The following ZDHHC14 variants were observed in gnomAD, a reference collection of about 807,000 sequenced individuals.
ZDHHC14 encodes the protein zDHHC palmitoyltransferase 14, also known as palmitoyltransferase ZDHHC14.
In ZDHHC14, 16 loss-of-function variants were observed where a neutral mutation model predicts 47.7. The observed-to-expected ratio is 0.34, with a 90% CI of 0.23 to 0.51. ZDHHC14 has a LOEUF of 0.51. Among genes scored for constraint, ZDHHC14 ranks in the 20% least tolerant of loss-of-function variants. The pLI, the probability that ZDHHC14 is intolerant of heterozygous loss-of-function variation, is 0.97. For synonymous variants in ZDHHC14, 293 were observed against 278.9 expected (o/e 1.05, Z -0.50); for missense variants, 515 against 662.5 (o/e 0.78, Z 2.44).
chr6:157,433,289 C>A (rs1169388469), intron 1 of ZDHHC14, among the ~76,000 whole-genome samples: 1 of 152,170 alleles, frequency 6.6e-6, no homozygotes, highest in Non-Finnish European at 1.5e-5. Context: ...CACATGATTG[C>A]AAGCTAAATA....
chr6:157,430,102 G>C (rs1778307127), intron 1 of ZDHHC14, among the ~76,000 whole-genome samples: 2 of 152,020 alleles, frequency 1.3e-5, no homozygotes, highest in South Asian at 4.2e-4. Context: ...AGATCACGAG[G>C]TCAAGAGATT....
At chr6:157,436,879 G>A (rs1778450022) in intron 1 of ZDHHC14, among the ~76,000 whole-genome samples, 1 of 152,134 alleles carries the variant, frequency 6.6e-6, no homozygotes, top group East Asian at 1.9e-4. Flanking sequence ...CAGTCATCAG[G>A]GAGATCATCT....
At position 157,392,453 on chromosome 6, in the gene ZDHHC14, TG is replaced by T. The variant is rs531088905; in HGVS notation, c.245+10193del. 4.5e-4 allele frequency among the ~76,000 whole-genome samples: 69 copies of T among 152,268 alleles called. No homozygotes were observed. The South Asian group carries it at 0.014, about 31-fold the overall frequency. On this transcript the variant is annotated intron_variant, in intron 1 of 8. Coordinates refer to ENST00000359775, the MANE Select transcript of ZDHHC14 (RefSeq NM_024630.3). ...AATGTGTATACAGCCCCCCGTGTGT[TG>T]GGGGGTTGTCTCTTAGACCGTATTC...
intron 1 of ZDHHC14, among the ~76,000 whole-genome samples, chr6:157,495,279 A>C (rs1780033540): frequency 6.6e-6 from 1 of 152,210 alleles, no homozygotes; most frequent in African/African-American, 2.4e-5. Context: ...AAAGCAGTCT[A>C]AAATGGGAGT....
chr6:157,456,178 T>C (rs1562432486), intron 1 of ZDHHC14, among the ~76,000 whole-genome samples: 1 of 152,226 alleles, frequency 6.6e-6, no homozygotes, highest in Non-Finnish European at 1.5e-5. Flanking sequence ...CCGAGGAGGC[T>C]GCCACGGCGC....
At chr6:157,585,430 ACC>A (rs1783657240) in intron 2 of ZDHHC14, among the ~76,000 whole-genome samples, 1 of 147,610 alleles carries the variant, frequency 6.8e-6, no homozygotes, top group Admixed American at 6.8e-5. Flanking sequence ...AAAAAAAAAA[ACC>A]CAAAACCAGA....
chr6:157,473,864 A>G (rs1779413700), intron 1 of ZDHHC14, among the ~76,000 whole-genome samples: 2 of 152,120 alleles, frequency 1.3e-5, no homozygotes, highest in Non-Finnish European at 1.5e-5. Flanking sequence ...CTTGTGTTCC[A>G]TCTCCAAGAT....
rs1171821046 is a variant in ZDHHC14 at position 157,540,888 on chromosome 6, A to ATGTGTGTGTG, written c.246-1683_246-1674dup. On this transcript the variant is annotated intron_variant, in intron 1 of 8. Transcript: ENST00000359775. ...AACATATATAGATATATATGTATGT[A>ATGTGTGTGTG]TGTGTGTGTGTGTGTGTGTGTGTAT... Among the ~76,000 whole-genome samples, 478 of 127,524 alleles carry ATGTGTGTGTG rather than the reference A, an allele frequency of 3.7e-3. 20 individuals are homozygous for ATGTGTGTGTG. The highest frequency in any genetic ancestry group is 0.017 in the African/African-American group (460 of 27,740). 83.7% of individuals were successfully genotyped at this position (127,524 alleles called of 152,430 possible).
chr6:157,634,923 C>G (rs1776896984), intron 5 of ZDHHC14, among the ~76,000 whole-genome samples: 1 of 152,238 alleles, frequency 6.6e-6, no homozygotes, highest in Non-Finnish European at 1.5e-5. Context: ...CCGTACGTGT[C>G]CCCTGGGAGC....
At chr6:157,466,280 T>A (rs2114820270) in intron 1 of ZDHHC14, among the ~76,000 whole-genome samples, 1 of 152,168 alleles carries the variant, frequency 6.6e-6, no homozygotes, top group East Asian at 1.9e-4. Context: ...GGGCCCCAAG[T>A]GCCATGCAGC....
chr6:157,398,826 A>G (rs1056905976), intron 1 of ZDHHC14, among the ~76,000 whole-genome samples: 2 of 152,250 alleles, frequency 1.3e-5, no homozygotes, highest in Admixed American at 6.5e-5. Flanking sequence ...ACGATGGCTT[A>G]TTGCATCTCC....
intron 1 of ZDHHC14, among the ~76,000 whole-genome samples, chr6:157,501,215 A>T (rs1780185299): frequency 1.3e-5 from 2 of 152,090 alleles, no homozygotes; most frequent in Admixed American, 1.3e-4. Context: ...TTGTTCTGTC[A>T]TTATTTTTTC....
intron 8 of ZDHHC14, among the ~76,000 whole-genome samples, chr6:157,656,113 A>C (rs951061571): frequency 7.2e-5 from 11 of 152,198 alleles, no homozygotes; most frequent in Non-Finnish European, 1.5e-4. Flanking sequence ...TCTGGAGTCC[A>C]TTCATTCTAC....
chr6:157,653,459 A>G (rs1777932943), intron 7 of ZDHHC14, 66 bp from the exon 8 acceptor site: 9 of 1,562,310 alleles, frequency 5.8e-6, no homozygotes, highest in Non-Finnish European at 7.0e-6. Context: ...GGAACCTGAG[A>G]TAGTGCTGCT....
intron 1 of ZDHHC14, among the ~76,000 whole-genome samples, chr6:157,522,595 T>A (rs1477650594): frequency 6.6e-6 from 1 of 152,060 alleles, no homozygotes; most frequent in Admixed American, 6.6e-5. Flanking sequence ...TGGTATGGGT[T>A]GGTCCCCAAA....
At chr6:157,466,059 A>G (rs1397349577) in intron 1 of ZDHHC14, among the ~76,000 whole-genome samples, 2 of 150,974 alleles carry the variant, frequency 1.3e-5, no homozygotes, top group Non-Finnish European at 3.0e-5. Context: ...AAAAAAAGAG[A>G]GAGAGAGATA....
intron 1 of ZDHHC14, among the ~76,000 whole-genome samples, chr6:157,529,729 A>G (rs1781296451): frequency 6.6e-6 from 1 of 152,242 alleles, no homozygotes; most frequent in Non-Finnish European, 1.5e-5. Context: ...TAAAAAGGTG[A>G]AAACAGGTAC....
intron 3 of ZDHHC14, among the ~76,000 whole-genome samples, chr6:157,626,335 T>A (rs1785414397): frequency 6.6e-6 from 1 of 152,174 alleles, no homozygotes; most frequent in South Asian, 2.1e-4. Context: ...AGTCATACAT[T>A]GAGAAGAAAA....
chr6:157,625,266 C>T (rs578111570), intron 3 of ZDHHC14, among the ~76,000 whole-genome samples: 8 of 151,946 alleles, frequency 5.3e-5, no homozygotes, highest in Non-Finnish European at 1.0e-4. Flanking sequence ...AGAGAAAGGG[C>T]GGGGTCAGGA....
Sources: gnomAD v4.1 joint callset for allele counts (sites outside exome capture counted in the v4.1 genomes callset) on GRCh38, gnomAD v4.1.1 for gene constraint, MANE v1.5 for transcripts, NCBI Gene and HGNC (gene_info 2026-07-23, HGNC 2026-07-21) for gene names.